The following TINAG variants were observed in gnomAD, a reference collection of about 807,000 sequenced individuals.
TINAG encodes tubulointerstitial nephritis antigen.
Under a neutral mutation model 72.7 loss-of-function variants are expected in TINAG, and 83 were observed. The ratio of observed to expected loss-of-function variants is 1.14; its 90% CI spans 0.96 to 1.37. The LOEUF (loss-of-function observed/expected upper bound fraction) is 1.37, where lower values mean the gene tolerates loss of function less well. TINAG is among the 40% of genes most tolerant of loss of function. TINAG has a pLI of 0.00. For synonymous variants in TINAG, 234 were observed against 189.9 expected (o/e 1.23, Z -1.91); for missense variants, 685 against 576.6 (o/e 1.19, Z -1.93).
intron 10 of TINAG, among the ~76,000 whole-genome samples, chr6:54,388,211 TA>T (rs1362358215): frequency 6.6e-6 from 1 of 152,120 alleles, no homozygotes; most frequent in Non-Finnish European, 1.5e-5. Flanking sequence ...ATGAACTGAC[TA>T]AAAAAATATG....
At chr6:54,364,371 A>G (rs909497521) in intron 9 of TINAG, among the ~76,000 whole-genome samples, 7 of 151,588 alleles carry the variant, frequency 4.6e-5, no homozygotes, top group African/African-American at 1.7e-4. Flanking sequence ...CAACTCAAAG[A>G]TTGATATGTT....
At chr6:54,383,648 G>A (rs1254202685) in intron 10 of TINAG, among the ~76,000 whole-genome samples, 2 of 151,888 alleles carry the variant, frequency 1.3e-5, no homozygotes, top group Non-Finnish European at 2.9e-5. Flanking sequence ...CAGCAACCAA[G>A]GGAAAAATAC....
chr6:54,328,806 C>T (rs924398867), intron 4 of TINAG, among the ~76,000 whole-genome samples: 1 of 151,650 alleles, frequency 6.6e-6, no homozygotes, highest in Non-Finnish European at 1.5e-5. Flanking sequence ...AAAAACACAA[C>T]ACAAGAACTT....
intron 8 of TINAG, 79 bp downstream of exon 8, chr6:54,351,476 T>C (rs936877812): frequency 5.9e-6 from 8 of 1,354,040 alleles, no homozygotes; most frequent in South Asian, 1.3e-5. Context: ...GTAATAGGAG[T>C]TTAATAAAAT....
At chr6:54,358,470 T>A (rs1167801929) in intron 9 of TINAG, among the ~76,000 whole-genome samples, 1 of 151,662 alleles carries the variant, frequency 6.6e-6, no homozygotes, top group Non-Finnish European at 1.5e-5. Flanking sequence ...AATGAGTTTT[T>A]TCCTTATGGT....
chr6:54,377,209 G>A (rs971892233), intron 9 of TINAG, among the ~76,000 whole-genome samples: 4 of 152,082 alleles, frequency 2.6e-5, no homozygotes, highest in Admixed American at 6.6e-5. Flanking sequence ...TGCTCACAAA[G>A]GTATAGAAAT....
At chr6:54,386,206 G>T (rs1425212432) in intron 10 of TINAG, among the ~76,000 whole-genome samples, 1 of 152,044 alleles carries the variant, frequency 6.6e-6, no homozygotes, top group African/African-American at 2.4e-5. Flanking sequence ...ATCTTAATTG[G>T]TGCAGAAAAT....
intron 1 of TINAG, among the ~76,000 whole-genome samples, chr6:54,315,481 A>G (rs1223798026): frequency 6.6e-6 from 1 of 151,916 alleles, no homozygotes; most frequent in African/African-American, 2.4e-5. Flanking sequence ...CCAGCCTAGC[A>G]GTACAATAAG....
chr6:54,370,252 A>G (rs1202423174), intron 9 of TINAG, among the ~76,000 whole-genome samples: 1 of 152,114 alleles, frequency 6.6e-6, no homozygotes, highest in East Asian at 1.9e-4. Context: ...CCTGACAAAT[A>G]TGATTTCTTT....
chr6:54,362,457 G>C (rs1157385120), intron 9 of TINAG, among the ~76,000 whole-genome samples: 1 of 151,548 alleles, frequency 6.6e-6, no homozygotes, highest in East Asian at 1.9e-4. Flanking sequence ...TAAGCCCACT[G>C]TTGAGATCTG....
chr6:54,373,112 G>T (rs1048877135), intron 9 of TINAG, among the ~76,000 whole-genome samples: 2 of 151,988 alleles, frequency 1.3e-5, no homozygotes, highest in African/African-American at 4.8e-5. Context: ...TACATTTCTT[G>T]ATATAAATGA....
At chr6:54,363,869 A>G (rs1763320454) in intron 9 of TINAG, among the ~76,000 whole-genome samples, 1 of 151,546 alleles carries the variant, frequency 6.6e-6, no homozygotes, top group Non-Finnish European at 1.5e-5. Context: ...AAGCCTGGAA[A>G]GGTTGGTATT....
At chr6:54,366,568 C>T (rs955771548) in intron 9 of TINAG, among the ~76,000 whole-genome samples, 1 of 149,796 alleles carries the variant, frequency 6.7e-6, no homozygotes, top group African/African-American at 2.5e-5. Flanking sequence ...TGCCTCTGTC[C>T]TCAGCATCGA....
At chr6:54,362,842 C>A (rs766336114) in intron 9 of TINAG, among the ~76,000 whole-genome samples, 3 of 151,306 alleles carry the variant, frequency 2.0e-5, no homozygotes, top group Non-Finnish European at 4.4e-5. Context: ...TCAGGGATTA[C>A]TGTGGGTGGA....
Position 54,389,836 on chromosome 6 carries a change from T to G in TINAG, c.1342T>G (p.Phe448Val). 1 of 1,608,732 alleles carries G rather than the reference T, an allele frequency of 6.2e-7. No homozygotes were observed. Among genetic ancestry groups the G allele is most frequent in the Non-Finnish European group, 8.5e-7 (1 of 1,178,068 alleles). The change falls in exon 11 of 11, where the codon TTC becomes GTC. Residue 448 changes from phenylalanine to valine, a missense_variant. Physicochemically the swap from Phe to Val is conservative, Grantham distance 50. Coordinates refer to ENST00000259782, the MANE Select transcript of TINAG (RefSeq NM_014464.4). ...WGKSWGENGY[F>V]RILRGVNESD... is the part of the protein sequence containing the mutation. The stretch of plus-strand genomic sequence containing the variant: ...AAAGTCATGGGGAGAGAATGGCTAT[T>G]TCAGGATTCTTCGAGGAGTAAATGA...
At chr6:54,370,255 A>C (rs1214658151) in intron 9 of TINAG, among the ~76,000 whole-genome samples, 2 of 152,074 alleles carry the variant, frequency 1.3e-5, no homozygotes, top group Non-Finnish European at 2.9e-5. Context: ...GACAAATATG[A>C]TTTCTTTTAT....
rs12386529 is a variant in TINAG, at chr6:54,381,727, A to G, written c.1296+1156A>G. ...AAATAAATAAGTTATAAACTAGGAT[A>G]TGTTATTTGAATACCTACTATTAAG... On this transcript the variant is annotated intron_variant, in intron 10 of 10. Coordinates refer to ENST00000259782, the MANE Select transcript of TINAG (RefSeq NM_014464.4). Among the ~76,000 whole-genome samples, 1,335 of 152,278 alleles carry G rather than the reference A, an allele frequency of 8.8e-3. 22 individuals carry two copies. The highest frequency in any genetic ancestry group is 0.031 in the African/African-American group (1,273 of 41,572).
chr6:54,367,468 A>G (rs1321997263), intron 9 of TINAG, among the ~76,000 whole-genome samples: 2 of 151,818 alleles, frequency 1.3e-5, no homozygotes, highest in Admixed American at 6.6e-5. Context: ...CTACATGGAC[A>G]GGTAATATTG....
In TINAG at chr6:54,308,547, G is replaced by T; in HGVS notation, c.-4G>T. 3 of 1,604,748 alleles carry T rather than the reference G, an allele frequency of 1.9e-6. No individual in the cohort carries two copies. The South Asian group carries it at 3.3e-5, about 18-fold the overall frequency. ...AAGTGGAAGCTATACCTGACTTCCA[G>T]AGAATGTGGACCGGATATAAGATCT... On this transcript the variant is annotated 5_prime_UTR_variant, in exon 1 of 11. Transcript: ENST00000259782.
Sources: allele counts gnomAD v4.1 joint callset (sites outside exome capture counted in the v4.1 genomes callset), GRCh38; gene constraint gnomAD v4.1.1; transcripts MANE v1.5; gene names NCBI Gene and HGNC (gene_info 2026-07-23, HGNC 2026-07-21).